The following PAPLN variants were observed in gnomAD, a reference collection of about 807,000 sequenced individuals.
PAPLN encodes the protein papilin.
A neutral mutation model predicts 159.0 loss-of-function variants in PAPLN; 146 were observed. The ratio of observed to expected loss-of-function variants is 0.92; its 90% confidence interval spans 0.80 to 1.05. The LOEUF (loss-of-function observed/expected upper bound fraction) is 1.05. Among genes scored for constraint, PAPLN ranks in the 50% least tolerant of loss-of-function variants. The pLI, the probability that PAPLN is intolerant of heterozygous loss-of-function variation, is 0.00. For synonymous variants in PAPLN, 734 were observed against 702.9 expected (o/e 1.04, Z -0.70); for missense variants, 1,720 against 1,743.9 (o/e 0.99, Z 0.24).
chr14:73,253,563 C>T (rs557954578), intron 11 of PAPLN, among the ~76,000 whole-genome samples, 191 bp from the exon 12 acceptor site: 5 of 152,264 alleles, frequency 3.3e-5, no homozygotes, highest in African/African-American at 1.2e-4. Context: ...GGGGAGCGCT[C>T]AGAGAGCCAG....
intron 1 of PAPLN, chr14:73,239,546 C>A: frequency 1.6e-6 from 1 of 642,472 alleles, no homozygotes; most frequent in Non-Finnish European, 2.4e-6. Flanking sequence ...TCTTGAACTT[C>A]TGCCAGTTGC....
In PAPLN at chr14:73,259,397, C is replaced by T. The variant is rs747401903; in HGVS notation, c.1837C>T (p.Gln613Ter). 10 of 1,612,650 alleles carry T rather than the reference C, an allele frequency of 6.2e-6. No individual in the cohort carries two copies. The highest frequency in any genetic ancestry group is 8.5e-6 in the Non-Finnish European group (10 of 1,179,508). Residue 613 changes from glutamine to a stop codon, truncating the protein, a stop_gained, in exon 16 of 27, where the codon CAG becomes TAG. Transcript: ENST00000644200. LOFTEE classifies it high-confidence loss of function. ...LSALGPAPSL[Q>*]QPPYQQPLRS... ...AGCCCTGGGCCCCGCTCCCTCTCTG[C>T]AGCAGCCCCCATACCAGCAACCCCT...
chr14:73,269,584 C>CTT (rs1298725909), intron 26 of PAPLN, among the ~76,000 whole-genome samples: 1 of 152,200 alleles, frequency 6.6e-6, no homozygotes, highest in African/African-American at 2.4e-5. Context: ...AGAGTTCACA[C>CTT]TTACAAGAGA....
rs1335405547 is a variant in PAPLN, at chr14:73,246,411, T to C, written c.334+236T>C. ...GTACCCGACCAATTTTTTTTTTTTT[T>C]TTTTTTTTTTTTTTTGGGTGGGCGC... On this transcript the variant is annotated intron_variant, in intron 5 of 26. Transcript: ENST00000644200. Among the ~76,000 whole-genome samples the C allele has an allele frequency of 5.5e-5, 8 of 145,176 alleles. No individual in the cohort carries two copies. The South Asian group carries it at 1.8e-3, about 33-fold the overall frequency.
In PAPLN at chr14:73,259,514, G is replaced by C; in HGVS notation, c.1954G>C (p.Gly652Arg). The change falls in exon 16 of 27, where the codon GGC (glycine) becomes CGC (arginine). Residue 652 changes from glycine to arginine, a missense_variant. Transcript: ENST00000644200. ...GGCATCTCTCGGGCCTCAGTGGCAA[G>C]GCTGCCCTGGGGCCCCCTGTCAGCA... ...HTASLGPQWQ[G>R]CPGAPCQQSR... 2.5e-6 allele frequency: 4 copies of C among 1,593,320 alleles called. No individual in the cohort carries two copies. The highest frequency in any genetic ancestry group is 3.4e-6 in the Non-Finnish European group (4 of 1,169,446).
At chr14:73,260,994 C>T (rs1371354549) in intron 17 of PAPLN, among the ~76,000 whole-genome samples, 162 bp from the exon 18 acceptor site, 1 of 152,190 alleles carries the variant, frequency 6.6e-6, no homozygotes, top group African/African-American at 2.4e-5. Flanking sequence ...AAAGATGGGC[C>T]TGGGGTGGAT....
intron 20 of PAPLN, 130 bp from the exon 21 acceptor site, chr14:73,264,081 A>G: frequency 1.3e-6 from 2 of 1,535,862 alleles, no homozygotes; most frequent in South Asian, 2.3e-5. Flanking sequence ...ATATTCCCCC[A>G]GCCTCACTTG....
chr14:73,241,855 G>C (rs1400209470), intron 2 of PAPLN, among the ~76,000 whole-genome samples: 2 of 152,208 alleles, frequency 1.3e-5, no homozygotes, highest in African/African-American at 2.4e-5. Context: ...CATGTGTTCT[G>C]TCTCTCTCTT....
chr14:73,251,806 G>A lies in PAPLN; in HGVS notation c.813G>A (p.Arg271=), dbSNP rs146906766. Residue 271 remains arginine (R), a synonymous_variant, in exon 9 of 27, where the codon CGG becomes CGA. Transcript: ENST00000644200. ...TGGCCCCTGAGCGACTCCATGCCCG[G>A]GGCCCCACCTCGGAGCCCCTGGTCA... ...GDLAPERLHA[R]GPTSEPLVIE... 0.015 allele frequency: 23,872 copies of A among 1,600,680 alleles called. 232 individuals are homozygous for A. The highest frequency in any genetic ancestry group is 0.036 in the Middle Eastern group (215 of 5,968).
chr14:73,257,597 A>AT (rs1432914358), intron 14 of PAPLN, among the ~76,000 whole-genome samples: 1 of 152,104 alleles, frequency 6.6e-6, no homozygotes, highest in African/African-American at 2.4e-5. Context: ...TGGCACAATG[A>AT]TTTTTTGTAA....
chr14:73,237,769 G>T (rs1024831993), intron 1 of PAPLN, among the ~76,000 whole-genome samples, 177 bp downstream of exon 1: 2 of 152,060 alleles, frequency 1.3e-5, no homozygotes, highest in Non-Finnish European at 2.9e-5. Context: ...CAGGGTCATC[G>T]CTCGGCACCG....
In PAPLN at chr14:73,261,292, A is replaced by T; in HGVS notation, c.2243A>T (p.His748Leu). 1 of 1,613,572 alleles carries T rather than the reference A, an allele frequency of 6.2e-7. No homozygotes were observed. The part of the protein sequence containing the change: ...LGEGCVGQPS[H>L]AYPVRCLLPS... ...GAAGGCTGTGTGGGCCAGCCCAGCCATGGTGAGTGGACACCCCCTCTCCTC... is the reference window on the plus strand; with the variant it reads ...GAAGGCTGTGTGGGCCAGCCCAGCCTTGGTGAGTGGACACCCCCTCTCCTC... Residue 748 changes from histidine (H) to leucine (L), a missense_variant and splice_region_variant, in exon 18 of 27, where the codon CAT becomes CTT. Physicochemically the swap from His to Leu is moderately conservative, Grantham distance 99. Coordinates refer to ENST00000644200, the MANE Select transcript of PAPLN (RefSeq NM_001365906.3).
chr14:73,263,875 A>T, intron 20 of PAPLN, 93 bp downstream of exon 20: 1 of 1,260,590 alleles, frequency 7.9e-7, no homozygotes, highest in Non-Finnish European at 1.1e-6. Flanking sequence ...ACCTCCTCTG[A>T]TAGGTGTGAC....
rs1417342531 is a variant in PAPLN, at chr14:73,260,784, T to C, written c.2061T>C (p.Gly687=). Residue 687 remains glycine (G), a synonymous_variant, in exon 17 of 27, where the codon GGT becomes GGC. Transcript: ENST00000644200. The stretch of plus-strand genomic sequence containing the variant: ...CTGGCTGCACAAAGTCGTATGGTGG[T>C]GACAGCACCGGGGGCATGCCCAGGT... The part of the protein sequence containing the change: ...HHAGCTKSYG[G]DSTGGMPRSR... 6.7e-7 allele frequency: 1 copy of C among 1,493,282 alleles called. No individual in the cohort carries two copies. The highest frequency in any genetic ancestry group is 1.4e-5 in the African/African-American group (1 of 70,500). 92.5% of individuals were successfully genotyped at this position (1,493,282 alleles called of 1,614,324 possible).
intron 5 of PAPLN, among the ~76,000 whole-genome samples, chr14:73,248,991 T>C (rs1884923888): frequency 6.6e-6 from 1 of 151,942 alleles, no homozygotes; most frequent in Non-Finnish European, 1.5e-5. Flanking sequence ...ATTAGCTGGG[T>C]ATGATGGCAT....
chr14:73,263,704 G>A lies in PAPLN; in HGVS notation c.2783G>A (p.Arg928Gln), dbSNP rs753673675. The A allele has an allele frequency of 8.1e-6, 13 of 1,612,936 alleles. No individual in the cohort carries two copies. The highest frequency in any genetic ancestry group is 2.2e-5 in the East Asian group (1 of 44,886). ...LVQAALGQLV[R>Q]LSCSDDTAPE... ...CAGGCAGCCCTGGGGCAGTTGGTGC[G>A]GCTCTCCTGCTCAGACGACACTGCC... Residue 928 changes from arginine (R) to glutamine (Q), a missense_variant, in exon 20 of 27, where the codon CGG becomes CAG. Transcript: ENST00000644200.
chr14:73,251,381 C>A lies in PAPLN; in HGVS notation c.590-105C>A. The A allele has an allele frequency of 3.3e-6, 4 of 1,215,294 alleles. No individual in the cohort carries two copies. In the South Asian group the frequency reaches 4.1e-5, roughly 13 times the overall value. 75.3% of individuals were successfully genotyped at this position (1,215,294 alleles called of 1,614,324 possible). A position where few individuals can be genotyped will look rare whatever the true frequency, so the allele number is the denominator to read the frequency against. On this transcript the variant is annotated intron_variant, in intron 7 of 26. Transcript: ENST00000644200. ...CTCGGCCCTGTCTGGCTCTTGTGTACCCTCCCTGCCCCCATTCTGTGCTGT... is the reference window on the plus strand; with the variant it reads ...CTCGGCCCTGTCTGGCTCTTGTGTAACCTCCCTGCCCCCATTCTGTGCTGT...
Position 73,262,664 on chromosome 14 carries a change from T to C in PAPLN, c.2560T>C (p.Ser854Pro). ...GAAVQRKPWP[S>P]GGLWRQDQQP... ...CGCGGTGCAGAGAAAGCCCTGGCCT[T>C]CTGGTGGTCTCTGGCGGCAAGACCA... The change falls in exon 19 of 27, where the codon TCT becomes CCT. Residue 854 changes from serine (S) to proline (P), a missense_variant. Coordinates refer to ENST00000644200, the MANE Select transcript of PAPLN (RefSeq NM_001365906.3). The C allele has an allele frequency of 2.7e-6, 4 of 1,501,444 alleles. No individual in the cohort carries two copies. The highest frequency in any genetic ancestry group is 3.6e-6 in the Non-Finnish European group (4 of 1,123,000). The allele number at this position is 1,501,444 out of a possible 1,614,324, so 93.0% of individuals were successfully genotyped here.
chr14:73,251,413 C>G (rs1885236901), intron 7 of PAPLN, 73 bp from the exon 8 acceptor site: 1 of 1,455,264 alleles, frequency 6.9e-7, no homozygotes, highest in Non-Finnish European at 9.4e-7. Context: ...CTGTGTGGCA[C>G]TTGGAGTCCT....
Sources: gnomAD v4.1 joint callset for allele counts (sites outside exome capture counted in the v4.1 genomes callset) on GRCh38, gnomAD v4.1.1 for gene constraint, MANE v1.5 for transcripts, NCBI Gene and HGNC (gene_info 2026-07-23, HGNC 2026-07-21) for gene names.